Variants in ADAM7 observed in about 807,000 individuals in gnomAD.
ADAM7 encodes disintegrin and metalloproteinase domain-containing protein 7.
Under a neutral mutation model 102.9 loss-of-function variants are expected in ADAM7, and 97 were observed. The observed-to-expected ratio is 0.94, with a 90% CI of 0.80 to 1.12. The LOEUF (loss-of-function observed/expected upper bound fraction) is 1.12. Among genes scored for constraint, ADAM7 ranks in the 50% most tolerant of loss-of-function variants. The pLI, the probability that ADAM7 is intolerant of heterozygous loss-of-function variation, is 0.00. For synonymous variants in ADAM7, 334 were observed against 304.4 expected (o/e 1.10, Z -1.01); for missense variants, 991 against 908.7 (o/e 1.09, Z -1.16).
chr8:24,494,060 A>G (rs551522032), intron 16 of ADAM7, among the ~76,000 whole-genome samples: 108 of 152,304 alleles, frequency 7.1e-4, no homozygotes, highest in African/African-American at 2.3e-3. Context: ...TTTTACCCCT[A>G]AAATCAGCTA....
At chr8:24,454,539 T>C (rs1170202300) in intron 3 of ADAM7, among the ~76,000 whole-genome samples, 20 of 152,200 alleles carry the variant, frequency 1.3e-4, no homozygotes. Context: ...TGACCCGATT[T>C]TGCAGGTGCC....
At chr8:24,447,427 A>C (rs1280423125) in intron 3 of ADAM7, among the ~76,000 whole-genome samples, 165 bp downstream of exon 3, 1 of 152,152 alleles carries the variant, frequency 6.6e-6, no homozygotes, top group African/African-American at 2.4e-5. Flanking sequence ...ATCACATCTC[A>C]AAAGCTTAAA....
chr8:24,447,234 A>T lies in ADAM7; in HGVS notation c.205A>T (p.Thr69Ser), dbSNP rs1046007892. 9 of 1,537,542 alleles carry T rather than the reference A, an allele frequency of 5.9e-6. No homozygotes were observed. Among genetic ancestry groups the T allele is most frequent in the African/African-American group, 1.4e-5 (1 of 72,416 alleles). ...LLYEIKLNRK[T>S]LVLHLLRSRE... is the part of the protein sequence containing the mutation. ...GTATGAAATAAAACTAAATAGAAAAACCTTAGTCCTTCATCTTCTAAGATC... is the reference window on the plus strand; with the variant it reads ...GTATGAAATAAAACTAAATAGAAAATCCTTAGTCCTTCATCTTCTAAGATC... The change falls in exon 3 of 22, where the codon ACC becomes TCC. Residue 69 changes from threonine to serine, a missense_variant. Physicochemically the swap from Thr to Ser is moderately conservative, Grantham distance 58 (BLOSUM62 1). Transcript: ENST00000175238.
chr8:24,502,416 T>C (rs1223415890), intron 20 of ADAM7, among the ~76,000 whole-genome samples: 1 of 151,726 alleles, frequency 6.6e-6, no homozygotes, highest in African/African-American at 2.4e-5. Context: ...AAAAAGTAAA[T>C]ATCAGATTGA....
At chr8:24,449,327 T>C (rs1818687706) in intron 3 of ADAM7, among the ~76,000 whole-genome samples, 1 of 152,224 alleles carries the variant, frequency 6.6e-6, no homozygotes, top group Admixed American at 6.5e-5. Flanking sequence ...GTTTCCTGAC[T>C]TTTTAATGAT....
intron 3 of ADAM7, among the ~76,000 whole-genome samples, chr8:24,452,979 C>T (rs1818858788): frequency 6.7e-6 from 1 of 150,372 alleles, no homozygotes; most frequent in South Asian, 2.1e-4. Context: ...AATATTGGCC[C>T]CCACTCTCTT....
chr8:24,451,471 T>C (rs1448920298), intron 3 of ADAM7, among the ~76,000 whole-genome samples: 1 of 152,248 alleles, frequency 6.6e-6, no homozygotes, highest in African/African-American at 2.4e-5. Context: ...TGGTAGTTTG[T>C]ATTTCTTTGG....
chr8:24,492,025 G>C lies in ADAM7; in HGVS notation c.1479G>C (p.Lys493Asn). The change falls in exon 14 of 22, where the codon AAG becomes AAC. Residue 493 changes from lysine to asparagine, a missense_variant. Coordinates refer to ENST00000175238, the MANE Select transcript of ADAM7 (RefSeq NM_003817.4). ...DQFRVNGFPC[K>N]NSEGYCFMGK... ...TCAGGGTCAATGGATTTCCTTGCAA[G>C]AACTCAGAAGGCTACTGTTTCATGG... is the stretch of plus-strand genomic sequence containing the variant. The C allele has an allele frequency of 6.2e-7, 1 of 1,613,968 alleles. No individual in the cohort carries two copies. Among genetic ancestry groups the C allele is most frequent in the Non-Finnish European group, 8.5e-7 (1 of 1,179,872 alleles).
At chr8:24,508,324 T>A (rs759410114) in intron 21 of ADAM7, among the ~76,000 whole-genome samples, 1 of 152,180 alleles carries the variant, frequency 6.6e-6, no homozygotes, top group Non-Finnish European at 1.5e-5. Context: ...TGGCATCCCA[T>A]AATGGAAAAC....
At chr8:24,482,937 G>T (rs191048793) in intron 9 of ADAM7, among the ~76,000 whole-genome samples, 2 of 151,820 alleles carry the variant, frequency 1.3e-5, no homozygotes, top group Non-Finnish European at 1.5e-5. Context: ...AACTCCTCTC[G>T]CCCTCCCATG....
intron 7 of ADAM7, among the ~76,000 whole-genome samples, chr8:24,469,360 G>A (rs926850794): frequency 1.3e-5 from 2 of 152,130 alleles, no homozygotes; most frequent in Non-Finnish European, 2.9e-5. Context: ...CAAGAGATAA[G>A]GGAAATTTTC....
intron 20 of ADAM7, chr8:24,506,041 A>G (rs1272151341): frequency 7.7e-7 from 1 of 1,304,840 alleles, no homozygotes; most frequent in Non-Finnish European, 1.1e-6. Flanking sequence ...GTCTTTCAGT[A>G]TTGGTATATT....
intron 8 of ADAM7, 82 bp downstream of exon 8, chr8:24,476,586 G>C (rs1359745882): frequency 9.3e-7 from 1 of 1,073,408 alleles, no homozygotes; most frequent in African/African-American, 1.6e-5. Flanking sequence ...CTGGACTATT[G>C]TAGTTACCTG....
intron 10 of ADAM7, 87 bp from the exon 11 acceptor site, chr8:24,487,100 C>G: frequency 7.3e-7 from 1 of 1,379,020 alleles, no homozygotes; most frequent in Non-Finnish European, 9.7e-7. Context: ...GAGCTAGAAG[C>G]CAGGTCTTTC....
chr8:24,462,508 T>C (rs1026455978), intron 3 of ADAM7, among the ~76,000 whole-genome samples: 1 of 152,200 alleles, frequency 6.6e-6, no homozygotes, highest in African/African-American at 2.4e-5. Context: ...CTGTGCCTTC[T>C]TCACCTCTCA....
At chr8:24,476,889 G>A (rs1450630437) in intron 8 of ADAM7, among the ~76,000 whole-genome samples, 1 of 152,108 alleles carries the variant, frequency 6.6e-6, no homozygotes, top group Non-Finnish European at 1.5e-5. Flanking sequence ...AGAAAGTGGA[G>A]TAACTGTTTC....
chr8:24,447,305 T>C (rs1469371276), intron 3 of ADAM7, 43 bp downstream of exon 3: 1 of 1,198,764 alleles, frequency 8.3e-7, no homozygotes, highest in Non-Finnish European at 1.1e-6. Flanking sequence ...ATTTTAGTAA[T>C]TATGGTAAGC....
intron 3 of ADAM7, among the ~76,000 whole-genome samples, chr8:24,451,038 T>C (rs1010615007): frequency 6.6e-6 from 1 of 152,092 alleles, no homozygotes; most frequent in Non-Finnish European, 1.5e-5. Context: ...GATGTGCTGC[T>C]GGATTCGGTT....
At chr8:24,461,182 C>CG (rs1389232556) in intron 3 of ADAM7, among the ~76,000 whole-genome samples, 11 of 152,022 alleles carry the variant, frequency 7.2e-5, no homozygotes, top group Admixed American at 7.2e-4. Flanking sequence ...TTAGTGGAGA[C>CG]GGGGTTTCAC....
Sources: gnomAD v4.1 joint callset for allele counts (sites outside exome capture counted in the v4.1 genomes callset) on GRCh38, gnomAD v4.1.1 for gene constraint, MANE v1.5 for transcripts, NCBI Gene and HGNC (gene_info 2026-07-23, HGNC 2026-07-21) for gene names.